RNFT2: variants seen among roughly 807,000 people sequenced by gnomAD.
RNFT2 encodes ring finger protein, transmembrane 2.
Under a neutral mutation model 53.0 loss-of-function variants are expected in RNFT2, and 36 were observed. That is an observed-to-expected ratio of 0.68 (90% CI 0.52 to 0.90). The LOEUF (loss-of-function observed/expected upper bound fraction) is 0.90, where lower values mean the gene tolerates loss of function less well. RNFT2 is among the 40% of genes least tolerant of loss of function. The pLI is 0.00. For synonymous variants in RNFT2, 260 were observed against 253.2 expected (o/e 1.03, Z -0.26); for missense variants, 514 against 585.6 (o/e 0.88, Z 1.26).
chr12:116,812,910 C>T (rs1203850017), intron 7 of RNFT2, among the ~76,000 whole-genome samples: 1 of 152,006 alleles, frequency 6.6e-6, no homozygotes, highest in East Asian at 2.0e-4. Context: ...CCACGCCATT[C>T]AGAGGCAAGG....
At chr12:116,743,242 AAAC>A (rs1395187992) in intron 3 of RNFT2, among the ~76,000 whole-genome samples, 3,350 of 95,104 alleles carry the variant, frequency 0.035, 1,142 homozygotes, top group East Asian at 0.11. Context: ...AAAAAAAAAA[AAAC>A]CGGTTAAAAA....
intron 7 of RNFT2, among the ~76,000 whole-genome samples, chr12:116,823,135 A>G (rs1485769916): frequency 6.6e-6 from 1 of 152,192 alleles, no homozygotes; most frequent in East Asian, 1.9e-4. Flanking sequence ...TTTGTGACCT[A>G]ATACATTTCC....
At position 116,853,158 on chromosome 12, in the gene RNFT2, A is replaced by G. The variant is rs1878008285; in HGVS notation, c.*3710A>G. The G allele has an allele frequency of 2.4e-6, 1 of 409,996 alleles. No homozygotes were observed. Among genetic ancestry groups the G allele is most frequent in the African/African-American group, 2.0e-5 (1 of 48,854 alleles). 25.4% of individuals were successfully genotyped at this position (409,996 alleles called of 1,614,324 possible). A position where few individuals can be genotyped will look rare whatever the true frequency, so the allele number is the denominator to read the frequency against. The stretch of plus-strand genomic sequence containing the variant: ...AGTGTTTCCAACACAGGCTACATGA[A>G]TTCCCCTATACCAGTGCGAAAGCAG... On this transcript the variant is annotated 3_prime_UTR_variant, in exon 11 of 11. Coordinates refer to ENST00000257575, the MANE Select transcript of RNFT2 (RefSeq NM_001382266.1).
In RNFT2 at chr12:116,835,941, C is replaced by T. The variant is rs762613920; in HGVS notation, c.1033-19C>T. On this transcript the variant is annotated intron_variant, in intron 8 of 10. Transcript: ENST00000257575. ...TGATCCTTGGGTACATTTCAGCCAC[C>T]ACCCTGCTCTCCTTTCAGTCCTTCG... 1.9e-6 allele frequency: 3 copies of T among 1,613,928 alleles called. No homozygotes were observed. The highest frequency in any genetic ancestry group is 1.7e-6 in the Non-Finnish European group (2 of 1,179,858).
intron 8 of RNFT2, 71 bp from the exon 9 acceptor site, chr12:116,835,884 ATGGGG>A: frequency 6.6e-7 from 1 of 1,505,212 alleles, no homozygotes; most frequent in Non-Finnish European, 9.2e-7. Context: ...GGGTCAGAGG[ATGGGG>A]TGGGGTGATT....
chr12:116,809,170 CAGTT>C (rs1185031277), intron 7 of RNFT2, among the ~76,000 whole-genome samples: 2 of 148,092 alleles, frequency 1.4e-5, no homozygotes, highest in East Asian at 2.0e-4. Flanking sequence ...AGGCTGGGCA[CAGTT>C]AGAGCTGAGT....
chr12:116,805,820 C>G (rs1447684431), intron 7 of RNFT2, among the ~76,000 whole-genome samples: 1 of 152,216 alleles, frequency 6.6e-6, no homozygotes, highest in Non-Finnish European at 1.5e-5. Flanking sequence ...TCGGGGAAAC[C>G]TCAGTCTTGT....
At chr12:116,809,675 C>A (rs1875272678) in intron 7 of RNFT2, among the ~76,000 whole-genome samples, 1 of 151,978 alleles carries the variant, frequency 6.6e-6, no homozygotes, top group African/African-American at 2.4e-5. Flanking sequence ...CCAGAAAGAC[C>A]TTTTCTTTTT....
At chr12:116,796,373 A>G (rs1344700381) in intron 7 of RNFT2, among the ~76,000 whole-genome samples, 1 of 152,146 alleles carries the variant, frequency 6.6e-6, no homozygotes, top group African/African-American at 2.4e-5. Context: ...CATCTTTTCC[A>G]TGAGGACAGG....
chr12:116,790,776 G>T (rs1347049452), intron 7 of RNFT2, among the ~76,000 whole-genome samples: 2 of 152,174 alleles, frequency 1.3e-5, no homozygotes, highest in Admixed American at 1.3e-4. Context: ...GGGCAACATG[G>T]TGAAACCCTG....
In RNFT2 at chr12:116,852,256, C is replaced by T; in HGVS notation, c.*2808C>T. ...GCTAGTGGGCAGATTACCATGCAAG[C>T]CCCAGGAGAAATGGAGGAGCTTTGT... On this transcript the variant is annotated 3_prime_UTR_variant, in exon 11 of 11. Transcript: ENST00000257575. 1 of 1,265,382 alleles carries T rather than the reference C, an allele frequency of 7.9e-7. No homozygotes were observed. Among genetic ancestry groups the T allele is most frequent in the South Asian group, 2.3e-5 (1 of 43,824 alleles). The allele number at this position is 1,265,382 out of a possible 1,614,324, so 78.4% of individuals were successfully genotyped here. A position where few individuals can be genotyped will look rare whatever the true frequency, so the allele number is the denominator to read the frequency against.
chr12:116,750,908 A>ATTTT (rs386377851), intron 4 of RNFT2, among the ~76,000 whole-genome samples: 1 of 70,016 alleles, frequency 1.4e-5, no homozygotes, highest in African/African-American at 5.4e-5. Context: ...ATATATATAT[A>ATTTT]TTTTTTTTTG....
At chr12:116,746,235 C>CA (rs372124416) in intron 3 of RNFT2, among the ~76,000 whole-genome samples, 5 of 149,978 alleles carry the variant, frequency 3.3e-5, no homozygotes, top group Admixed American at 6.7e-5. Flanking sequence ...AGACCCTGCT[C>CA]AAAAAAAAAC....
intron 5 of RNFT2, among the ~76,000 whole-genome samples, chr12:116,762,047 A>G (rs1872709647): frequency 2.1e-5 from 3 of 145,992 alleles, no homozygotes; most frequent in African/African-American, 7.6e-5. Flanking sequence ...AACCCGGGTG[A>G]CAGAGTGAGA....
chr12:116,786,355 C>A (rs1236185120), intron 7 of RNFT2, among the ~76,000 whole-genome samples: 1 of 152,106 alleles, frequency 6.6e-6, no homozygotes, highest in African/African-American at 2.4e-5. Flanking sequence ...AGGTGATCCA[C>A]CCACCTCGGC....
chr12:116,851,789 A>C lies in RNFT2; in HGVS notation c.*2341A>C, dbSNP rs1452219500. 4 of 849,436 alleles carry C rather than the reference A, an allele frequency of 4.7e-6. No individual in the cohort carries two copies. The African/African-American group carries it at 5.4e-5, about 11-fold the overall frequency. 52.6% of individuals were successfully genotyped at this position (849,436 alleles called of 1,614,324 possible). ...AAGGGAGGGAGGGAGGAAGGAAGGA[A>C]GGAAGGAAAGAAAGAAAGGTCAGCT... On this transcript the variant is annotated 3_prime_UTR_variant, in exon 11 of 11. Coordinates refer to ENST00000257575, the MANE Select transcript of RNFT2 (RefSeq NM_001382266.1).
At chr12:116,744,617 G>A (rs1871809490) in intron 3 of RNFT2, among the ~76,000 whole-genome samples, 1 of 152,188 alleles carries the variant, frequency 6.6e-6, no homozygotes, top group Admixed American at 6.5e-5. Flanking sequence ...GCTGCCTAGT[G>A]TCTGAGCAGA....
intron 6 of RNFT2, among the ~76,000 whole-genome samples, chr12:116,777,996 G>A (rs538844275): frequency 1.3e-5 from 2 of 152,328 alleles, no homozygotes; most frequent in African/African-American, 4.8e-5. Context: ...GGATTAGTGA[G>A]ACACAGTGAG....
At chr12:116,778,789 G>T (rs1305518149) in intron 6 of RNFT2, among the ~76,000 whole-genome samples, 1 of 152,226 alleles carries the variant, frequency 6.6e-6, no homozygotes, top group Admixed American at 6.5e-5. Context: ...GGTGGAGGTT[G>T]CAGTGAGCCG....
Sources: allele counts gnomAD v4.1 joint callset (sites outside exome capture counted in the v4.1 genomes callset), GRCh38; gene constraint gnomAD v4.1.1; transcripts MANE v1.5; gene names NCBI Gene and HGNC (gene_info 2026-07-23, HGNC 2026-07-21).